FRMD4A: variants seen among roughly 807,000 people sequenced by gnomAD.
The protein encoded by FRMD4A is FERM domain-containing protein 4A.
A neutral mutation model predicts 129.1 loss-of-function variants in FRMD4A; 29 were observed. The ratio of observed to expected loss-of-function variants is 0.22; its 90% confidence interval spans 0.17 to 0.31. The LOEUF is 0.31. Among genes scored for constraint, FRMD4A ranks in the 10% least tolerant of loss-of-function variants. The probability of loss-of-function intolerance (pLI) is 1.00; values close to 1 mark genes in which losing one functional copy is unlikely to be tolerated. For missense variants in FRMD4A, 1,272 were observed against 1,375.8 expected (o/e 0.92, Z 1.19); for synonymous variants, 634 against 571.6 (o/e 1.11, Z -1.56).
chr10:14,191,067 T>C (rs1842302336), intron 2 of FRMD4A, among the ~76,000 whole-genome samples: 1 of 152,172 alleles, frequency 6.6e-6, no homozygotes, highest in South Asian at 2.1e-4. Context: ...AGAGTTTTAG[T>C]GTCGCAGTGA....
At chr10:14,243,412 C>T (rs1844120239) in intron 2 of FRMD4A, among the ~76,000 whole-genome samples, 1 of 152,146 alleles carries the variant, frequency 6.6e-6, no homozygotes, top group Non-Finnish European at 1.5e-5. Flanking sequence ...TGCCTGCTTC[C>T]CCTTCTGCCA....
At chr10:13,771,103 A>T (rs2092442596) in intron 6 of FRMD4A, among the ~76,000 whole-genome samples, 1 of 152,038 alleles carries the variant, frequency 6.6e-6, no homozygotes, top group Non-Finnish European at 1.5e-5. Context: ...TTAAGAGATG[A>T]GTTCTCTGTC....
intron 2 of FRMD4A, among the ~76,000 whole-genome samples, chr10:14,045,901 T>C (rs557573397): frequency 2.5e-4 from 37 of 146,994 alleles, no homozygotes; most frequent in African/African-American, 9.1e-4. Context: ...ATAGTAAAAC[T>C]ATATTATAAT....
chr10:14,089,579 CTTAT>C (rs1236547171), intron 2 of FRMD4A, among the ~76,000 whole-genome samples: 1 of 133,290 alleles, frequency 7.5e-6, no homozygotes, highest in Non-Finnish European at 1.5e-5. Flanking sequence ...CCTGAAACAC[CTTAT>C]TTATTGTGGA....
chr10:14,291,577 T>C (rs1214259973), intron 2 of FRMD4A, among the ~76,000 whole-genome samples: 1 of 152,098 alleles, frequency 6.6e-6, no homozygotes, highest in Non-Finnish European at 1.5e-5. Flanking sequence ...GATGTCAAAA[T>C]AATAATTCAA....
intron 9 of FRMD4A, among the ~76,000 whole-genome samples, chr10:13,740,823 G>GGTTT (rs2090947465): frequency 9.5e-6 from 1 of 105,108 alleles, no homozygotes; most frequent in Non-Finnish European, 1.8e-5. Context: ...TGTCTTGGAT[G>GGTTT]TTTGTTTTTT....
intron 2 of FRMD4A, among the ~76,000 whole-genome samples, chr10:14,232,610 G>A (rs559874484): frequency 8.5e-5 from 13 of 152,268 alleles, no homozygotes; most frequent in Admixed American, 2.6e-4. Flanking sequence ...CAGCAGTGTT[G>A]TGTAATTCTC....
intron 2 of FRMD4A, among the ~76,000 whole-genome samples, chr10:14,212,962 T>C (rs1196625954): frequency 6.6e-6 from 1 of 152,184 alleles, no homozygotes; most frequent in African/African-American, 2.4e-5. Context: ...ATAGGTCAGA[T>C]GCAGTGGCTC....
At chr10:14,154,588 T>C (rs1840506184) in intron 2 of FRMD4A, among the ~76,000 whole-genome samples, 1 of 152,236 alleles carries the variant, frequency 6.6e-6, no homozygotes, top group Admixed American at 6.5e-5. Context: ...AACAAAATTT[T>C]AAATTAAATC....
At chr10:13,717,840 G>C (rs1373308176) in intron 12 of FRMD4A, among the ~76,000 whole-genome samples, 1 of 151,948 alleles carries the variant, frequency 6.6e-6, no homozygotes, top group African/African-American at 2.4e-5. Context: ...GGAAGATGGG[G>C]ATGGGATAGA....
At chr10:14,126,465 G>A (rs1321045036) in intron 2 of FRMD4A, among the ~76,000 whole-genome samples, 7 of 151,712 alleles carry the variant, frequency 4.6e-5, no homozygotes, top group South Asian at 2.1e-4. Flanking sequence ...CACCGTGCCC[G>A]GCCTGCCTTG....
At chr10:13,655,852 G>A (rs904051753) in intron 22 of FRMD4A, 1 of 152,126 alleles carries the variant, frequency 6.6e-6, no homozygotes, top group Non-Finnish European at 1.5e-5. Context: ...ATGTTAATAA[G>A]CCAGTGCTGA....
At chr10:13,925,219 C>T (rs2095117805) in intron 2 of FRMD4A, among the ~76,000 whole-genome samples, 1 of 152,138 alleles carries the variant, frequency 6.6e-6, no homozygotes, top group Non-Finnish European at 1.5e-5. Context: ...TATCCCACTC[C>T]TGATCAGAAT....
intron 2 of FRMD4A, among the ~76,000 whole-genome samples, chr10:14,161,257 G>T (rs1840873329): frequency 6.6e-6 from 1 of 152,200 alleles, no homozygotes; most frequent in South Asian, 2.1e-4. Context: ...TGCCCAGCTG[G>T]TATGAAGATT....
intron 2 of FRMD4A, among the ~76,000 whole-genome samples, chr10:14,065,651 T>A (rs1473493056): frequency 6.6e-6 from 1 of 152,068 alleles, no homozygotes; most frequent in Non-Finnish European, 1.5e-5. Flanking sequence ...AACTAAAATA[T>A]CGAGAAACAG....
intron 2 of FRMD4A, among the ~76,000 whole-genome samples, chr10:13,926,908 A>G (rs1158653557): frequency 6.6e-6 from 1 of 152,152 alleles, no homozygotes; most frequent in Non-Finnish European, 1.5e-5. Context: ...AGAAGGTAAC[A>G]TGGTCAAGTT....
At chr10:13,782,795 T>C (rs948861266) in intron 6 of FRMD4A, 127 bp downstream of exon 6, 6 of 678,488 alleles carry the variant, frequency 8.8e-6, no homozygotes, top group African/African-American at 5.4e-5. Context: ...CATTTATTTA[T>C]AGTAATTAAT....
chr10:13,826,066 A>G (rs1183524343), intron 3 of FRMD4A, among the ~76,000 whole-genome samples: 2 of 152,212 alleles, frequency 1.3e-5, no homozygotes, highest in Non-Finnish European at 2.9e-5. Flanking sequence ...CTCACTTTGA[A>G]CATTGCAACA....
At chr10:14,262,272 G>T (rs1844832752) in intron 2 of FRMD4A, among the ~76,000 whole-genome samples, 1 of 152,032 alleles carries the variant, frequency 6.6e-6, no homozygotes, top group South Asian at 2.1e-4. Flanking sequence ...CTCTTCTCTT[G>T]GCCCCTGATG....
Sources: gnomAD v4.1 joint callset for allele counts (sites outside exome capture counted in the v4.1 genomes callset) on GRCh38, gnomAD v4.1.1 for gene constraint, MANE v1.5 for transcripts, NCBI Gene and HGNC (gene_info 2026-07-23, HGNC 2026-07-21) for gene names.